Variants in ADAMTSL1 observed in about 807,000 individuals in gnomAD.
ADAMTSL1 encodes the protein ADAMTS-like protein 1.
ADAMTSL1 carries 126 observed loss-of-function variants against 201.8 expected under a neutral mutation model. The ratio of observed to expected loss-of-function variants is 0.62; its 90% CI spans 0.54 to 0.72. The LOEUF (loss-of-function observed/expected upper bound fraction) is 0.72. Ranked by LOEUF, ADAMTSL1 falls within the 30% of genes least tolerant of loss-of-function variation. ADAMTSL1 has a pLI of 0.00. For missense variants in ADAMTSL1, 2,679 were observed against 2,277.8 expected (o/e 1.18, Z -3.59); for synonymous variants, 1,121 against 903.4 (o/e 1.24, Z -4.32).
intron 1 of ADAMTSL1, among the ~76,000 whole-genome samples, chr9:18,488,120 C>T (rs1005047324): frequency 2.0e-5 from 3 of 152,144 alleles, no homozygotes; most frequent in Non-Finnish European, 4.4e-5. Context: ...TGCAGAAATA[C>T]GATTATGGAA....
At chr9:18,041,992 A>G (rs1821444871) in intron 1 of ADAMTSL1, among the ~76,000 whole-genome samples, 1 of 151,690 alleles carries the variant, frequency 6.6e-6, no homozygotes, top group Non-Finnish European at 1.5e-5. Flanking sequence ...TTTTGGTTAT[A>G]TATTGTTTCC....
At chr9:18,284,527 G>T (rs1423023537) in intron 2 of ADAMTSL1, among the ~76,000 whole-genome samples, 2 of 152,090 alleles carry the variant, frequency 1.3e-5, no homozygotes, top group Admixed American at 1.3e-4. Context: ...TATTTCTTAT[G>T]ATAAATGAGG....
At position 18,878,609 on chromosome 9, in the gene ADAMTSL1, C is replaced by G. The variant is rs564786686; in HGVS notation, c.4250-9222C>G. On this transcript the variant is annotated intron_variant, in intron 23 of 28. Coordinates refer to ENST00000380548, the MANE Select transcript of ADAMTSL1 (RefSeq NM_001040272.6). Reference sequence around the variant, plus strand: ...ATTTGGGAGCAGATTCTCACCCTCTCACACTTTGGGCACTCCCAGTTTTTT... The same window carrying G: ...ATTTGGGAGCAGATTCTCACCCTCTGACACTTTGGGCACTCCCAGTTTTTT... Among the ~76,000 whole-genome samples, 11 of 152,362 alleles carry G rather than the reference C, an allele frequency of 7.2e-5. No individual in the cohort carries two copies. The South Asian group carries it at 1.7e-3, about 23-fold the overall frequency.
chr9:18,312,284 C>T, intron 2 of ADAMTSL1, among the ~76,000 whole-genome samples: 1 of 152,154 alleles, frequency 6.6e-6, no homozygotes, highest in East Asian at 1.9e-4. Flanking sequence ...AAATTAAAAC[C>T]ACCTGGTATA....
chr9:18,698,897 G>T (rs1012366414), intron 13 of ADAMTSL1, among the ~76,000 whole-genome samples: 4 of 152,146 alleles, frequency 2.6e-5, no homozygotes, highest in African/African-American at 7.2e-5. Flanking sequence ...CTGATGGTCA[G>T]TGGGACCCTC....
intron 2 of ADAMTSL1, among the ~76,000 whole-genome samples, chr9:18,528,259 T>C (rs898736854): frequency 6.6e-6 from 1 of 152,102 alleles, no homozygotes; most frequent in African/African-American, 2.4e-5. Flanking sequence ...AAGGTAAACG[T>C]GTGCCATGGT....
intron 7 of ADAMTSL1, among the ~76,000 whole-genome samples, chr9:18,654,763 A>T (rs1327573686): frequency 6.6e-6 from 1 of 152,236 alleles, no homozygotes; most frequent in Non-Finnish European, 1.5e-5. Flanking sequence ...TAGTAGACTG[A>T]CACATTTAAT....
At chr9:18,143,071 A>G (rs1826470123) in intron 1 of ADAMTSL1, among the ~76,000 whole-genome samples, 3 of 152,188 alleles carry the variant, frequency 2.0e-5, no homozygotes, top group Admixed American at 2.0e-4. Flanking sequence ...TCCAATGCTA[A>G]CAGGGCAGCA....
At chr9:18,278,009 A>G (rs2819202) in intron 2 of ADAMTSL1, among the ~76,000 whole-genome samples, 3,452 of 152,178 alleles carry the variant, frequency 0.023, 123 homozygotes, top group African/African-American at 0.079. Context: ...GTCTATGTTG[A>G]ACTGATAATT....
intron 2 of ADAMTSL1, among the ~76,000 whole-genome samples, chr9:18,272,450 A>G (rs1360384171): frequency 6.6e-6 from 1 of 152,226 alleles, no homozygotes. Flanking sequence ...TTATACAAAA[A>G]TTAATTCAAG....
At chr9:18,500,454 G>T (rs183400900) in intron 1 of ADAMTSL1, among the ~76,000 whole-genome samples, 1 of 152,188 alleles carries the variant, frequency 6.6e-6, no homozygotes, top group African/African-American at 2.4e-5. Context: ...GAGTTGGGGG[G>T]TTGATTGCTG....
In ADAMTSL1 at chr9:18,837,621, C is replaced by T. The variant is rs181158770; in HGVS notation, c.4249+7644C>T. 4.3e-3 allele frequency among the ~76,000 whole-genome samples: 652 copies of T among 152,310 alleles called. 6 individuals carry two copies. The highest frequency in any genetic ancestry group is 0.014 in the African/African-American group (596 of 41,566). ...ACACATGCCACCAATACGCATTCTGCGCCATACTCAAGGGGATCCTCTGCA... is the reference window on the plus strand; with the variant it reads ...ACACATGCCACCAATACGCATTCTGTGCCATACTCAAGGGGATCCTCTGCA... On this transcript the variant is annotated intron_variant, in intron 23 of 28. Transcript: ENST00000380548.
chr9:18,311,515 C>T lies in ADAMTSL1; in HGVS notation c.207+147534C>T, dbSNP rs144455950. Among the ~76,000 whole-genome samples, 274 of 152,230 alleles carry T rather than the reference C, an allele frequency of 1.8e-3. 1 individual carries two copies. Among genetic ancestry groups the T allele is most frequent in the African/African-American group, 6.4e-3 (265 of 41,562 alleles). Reference sequence around the variant, plus strand: ...GCTGGAAGTAGCAGAGTCAACCTGGCTCCATCACATTTATTCAATGTTGAT... The same window carrying T: ...GCTGGAAGTAGCAGAGTCAACCTGGTTCCATCACATTTATTCAATGTTGAT... On this transcript the variant is annotated intron_variant, in intron 2 of 29. Transcript: ENST00000680146.
chr9:18,064,505 T>G (rs1436490363), intron 1 of ADAMTSL1, among the ~76,000 whole-genome samples: 2 of 152,212 alleles, frequency 1.3e-5, no homozygotes, highest in Admixed American at 6.5e-5. Flanking sequence ...TGTTACCTCC[T>G]TCTTGAACCA....
chr9:17,910,038 A>G (rs1364365081), intron 1 of ADAMTSL1, among the ~76,000 whole-genome samples: 1 of 67,936 alleles, frequency 1.5e-5, no homozygotes, highest in African/African-American at 2.9e-5. Flanking sequence ...AGAACAGTAA[A>G]GAAGGCCTGA....
At chr9:18,062,369 C>T (rs944520599) in intron 1 of ADAMTSL1, among the ~76,000 whole-genome samples, 1 of 152,062 alleles carries the variant, frequency 6.6e-6, no homozygotes, top group Non-Finnish European at 1.5e-5. Flanking sequence ...CAGAATATCA[C>T]AGAATGTATT....
chr9:18,367,059 C>A (rs186711117), intron 2 of ADAMTSL1, among the ~76,000 whole-genome samples: 179 of 152,338 alleles, frequency 1.2e-3, no homozygotes, highest in Non-Finnish European at 2.1e-3. Context: ...TTCCTCATAT[C>A]AACTGCTCTT....
chr9:18,136,144 G>A (rs1037343169), intron 1 of ADAMTSL1, among the ~76,000 whole-genome samples: 3 of 152,214 alleles, frequency 2.0e-5, no homozygotes, highest in Non-Finnish European at 4.4e-5. Flanking sequence ...CGTAAGTGAA[G>A]TAAGTTGCAT....
intron 2 of ADAMTSL1, among the ~76,000 whole-genome samples, chr9:18,232,123 A>G (rs1830665101): frequency 6.6e-6 from 1 of 152,134 alleles, no homozygotes; most frequent in Non-Finnish European, 1.5e-5. Context: ...AGAGGAGCCC[A>G]TCTCCTATTT....
Sources: allele counts gnomAD v4.1 joint callset (sites outside exome capture counted in the v4.1 genomes callset), GRCh38; gene constraint gnomAD v4.1.1; transcripts MANE v1.5; gene names NCBI Gene and HGNC (gene_info 2026-07-23, HGNC 2026-07-21).